The following TMTC2 variants were observed in gnomAD, a reference collection of about 807,000 sequenced individuals.
The protein encoded by TMTC2 is protein O-mannosyl-transferase TMTC2.
Under a neutral mutation model 82.4 loss-of-function variants are expected in TMTC2, and 43 were observed. That is an observed-to-expected ratio of 0.52 (90% confidence interval 0.41 to 0.67). TMTC2 has a LOEUF of 0.67. TMTC2 is among the 30% of genes least tolerant of loss of function. TMTC2 has a pLI of 0.00. For missense variants in TMTC2, 919 were observed against 1,012.4 expected (o/e 0.91, Z 1.25); for synonymous variants, 408 against 381.9 (o/e 1.07, Z -0.80).
intron 3 of TMTC2, among the ~76,000 whole-genome samples, chr12:82,919,473 C>T (rs1411506262): frequency 2.0e-5 from 3 of 152,140 alleles, no homozygotes; most frequent in Admixed American, 6.5e-5. Flanking sequence ...TCCCCAAAGT[C>T]CCAAAAGCCT....
intron 1 of TMTC2, among the ~76,000 whole-genome samples, chr12:82,743,045 C>A (rs925010628): frequency 6.6e-6 from 1 of 152,192 alleles, no homozygotes; most frequent in Non-Finnish European, 1.5e-5. Flanking sequence ...GCAATAGTAG[C>A]TGTGTGGCTG....
chr12:82,896,776 CTTTT>C lies in TMTC2; in HGVS notation c.1483+132_1483+135del, dbSNP rs1565798619. ...TTATGCAGTACCTGTATCTTTCATTCTTTTTATTTTTTTAAAGAGATATGCCATA... is the reference window on the plus strand; with the variant it reads ...TTATGCAGTACCTGTATCTTTCATTCTATTTTTTTAAAGAGATATGCCATA... On this transcript the variant is annotated intron_variant, in intron 3 of 11. Transcript: ENST00000321196. 3 of 659,582 alleles carry C rather than the reference CTTTT, an allele frequency of 4.5e-6. No individual in the cohort carries two copies. In the African/African-American group the frequency reaches 5.5e-5, roughly 12 times the overall value. The allele number at this position is 659,582 out of a possible 1,614,324, so 40.9% of individuals were successfully genotyped here. A position where few individuals can be genotyped will look rare whatever the true frequency, so the allele number is the denominator to read the frequency against.
intron 4 of TMTC2, among the ~76,000 whole-genome samples, chr12:82,960,920 A>G (rs1010671396): frequency 3.9e-5 from 6 of 151,968 alleles, no homozygotes; most frequent in Non-Finnish European, 1.5e-5. Context: ...TCATTTTTAA[A>G]CAGTCATGAA....
intron 1 of TMTC2, among the ~76,000 whole-genome samples, chr12:82,771,417 G>T (rs1044221592): frequency 6.6e-6 from 1 of 152,002 alleles, no homozygotes; most frequent in African/African-American, 2.4e-5. Flanking sequence ...GACTTCCCTT[G>T]AAAACTTAAG....
chr12:82,743,286 C>T (rs1013314209), intron 1 of TMTC2, among the ~76,000 whole-genome samples: 1 of 151,864 alleles, frequency 6.6e-6, no homozygotes, highest in African/African-American at 2.4e-5. Context: ...ACTAAAAATA[C>T]AAAAATTAGC....
chr12:82,905,272 A>C (rs1001227644), intron 3 of TMTC2, among the ~76,000 whole-genome samples: 4 of 152,324 alleles, frequency 2.6e-5, no homozygotes, highest in Admixed American at 1.3e-4. Flanking sequence ...ACATAAACAT[A>C]AAATAATTGT....
chr12:82,922,193 T>G (rs911257912), intron 3 of TMTC2, among the ~76,000 whole-genome samples: 1 of 152,202 alleles, frequency 6.6e-6, no homozygotes, highest in African/African-American at 2.4e-5. Context: ...AAAATTGCAC[T>G]TTTAAAAGAT....
At chr12:82,898,507 A>G (rs1222978900) in intron 3 of TMTC2, among the ~76,000 whole-genome samples, 1 of 152,212 alleles carries the variant, frequency 6.6e-6, no homozygotes, top group Admixed American at 6.5e-5. Context: ...CTTAAGTAAG[A>G]TAGAAGCTTT....
intron 9 of TMTC2, among the ~76,000 whole-genome samples, chr12:83,046,355 G>T (rs938359163): frequency 3.9e-5 from 6 of 152,096 alleles, no homozygotes; most frequent in African/African-American, 1.4e-4. Context: ...CATCACCAGG[G>T]AACTTGTTAA....
intron 1 of TMTC2, among the ~76,000 whole-genome samples, chr12:82,755,873 A>C (rs1367416881): frequency 6.6e-6 from 1 of 151,708 alleles, no homozygotes; most frequent in East Asian, 1.9e-4. Context: ...TAAAAAATAA[A>C]ATAGGGGTTT....
intron 1 of TMTC2, among the ~76,000 whole-genome samples, chr12:82,783,017 A>G (rs1592518412): frequency 6.6e-6 from 1 of 152,130 alleles, no homozygotes; most frequent in Admixed American, 6.6e-5. Context: ...TTGTTTATAT[A>G]GTTTCTTTCA....
At chr12:82,934,976 G>C (rs902340145) in intron 4 of TMTC2, among the ~76,000 whole-genome samples, 1 of 151,480 alleles carries the variant, frequency 6.6e-6, no homozygotes, top group Admixed American at 6.6e-5. Flanking sequence ...CCAAAGTTTT[G>C]GGAAAAAAGC....
chr12:83,051,126 C>G, intron 10 of TMTC2, 108 bp downstream of exon 10: 2 of 713,022 alleles, frequency 2.8e-6, no homozygotes, highest in South Asian at 4.3e-5. Context: ...GTGAGTCAAT[C>G]ACGCTGCTTA....
intron 8 of TMTC2, among the ~76,000 whole-genome samples, chr12:83,002,348 T>A (rs1879965701): frequency 6.6e-6 from 1 of 152,184 alleles, no homozygotes; most frequent in African/African-American, 2.4e-5. Context: ...TGTCTTTTTT[T>A]CTTTGTTAAT....
chr12:82,949,060 A>C (rs923736823), intron 4 of TMTC2, among the ~76,000 whole-genome samples: 3 of 152,206 alleles, frequency 2.0e-5, no homozygotes, highest in African/African-American at 7.2e-5. Context: ...GAATGAATAA[A>C]CAAGTCAGTC....
At chr12:82,774,933 C>A (rs919680913) in intron 1 of TMTC2, among the ~76,000 whole-genome samples, 1 of 151,918 alleles carries the variant, frequency 6.6e-6, no homozygotes, top group African/African-American at 2.4e-5. Flanking sequence ...CGTCCTCAGC[C>A]CCAGCTGAAT....
In TMTC2 at chr12:82,896,711, T is replaced by G. The variant is rs186340872; in HGVS notation, c.1483+65T>G. ...CTTTCAGCCTCTTTATATCTTTGCTTCTTGTCTTAAAACACAGTATTAAGG... is the reference window on the plus strand; with the variant it reads ...CTTTCAGCCTCTTTATATCTTTGCTGCTTGTCTTAAAACACAGTATTAAGG... On this transcript the variant is annotated intron_variant, in intron 3 of 11. Coordinates refer to ENST00000321196, the MANE Select transcript of TMTC2 (RefSeq NM_152588.3). 9.1e-5 allele frequency: 121 copies of G among 1,328,106 alleles called. 1 individual carries two copies. The African/African-American group carries it at 1.6e-3, about 18-fold the overall frequency. The allele number at this position is 1,328,106 out of a possible 1,614,324, so 82.3% of individuals were successfully genotyped here.
intron 8 of TMTC2, among the ~76,000 whole-genome samples, chr12:82,995,464 G>T (rs1228175532): frequency 6.6e-6 from 1 of 152,058 alleles, no homozygotes; most frequent in African/African-American, 2.4e-5. Flanking sequence ...AGTTCATAAG[G>T]TTTTTGTGAT....
intron 11 of TMTC2, among the ~76,000 whole-genome samples, chr12:83,096,969 T>C (rs1884050246): frequency 6.6e-6 from 1 of 152,202 alleles, no homozygotes; most frequent in African/African-American, 2.4e-5. Context: ...TTTGTATGAT[T>C]ATTTGATTAT....
Sources: gnomAD v4.1 joint callset for allele counts (sites outside exome capture counted in the v4.1 genomes callset) on GRCh38, gnomAD v4.1.1 for gene constraint, MANE v1.5 for transcripts, NCBI Gene and HGNC (gene_info 2026-07-23, HGNC 2026-07-21) for gene names.